The following RNF24 variants were observed in gnomAD, a reference collection of about 807,000 sequenced individuals.
The protein encoded by RNF24 is ring finger protein 24.
RNF24 carries 14 observed loss-of-function variants against 20.0 expected under a neutral mutation model. The ratio of observed to expected loss-of-function variants is 0.70; its 90% CI spans 0.46 to 1.10. The LOEUF (loss-of-function observed/expected upper bound fraction) is 1.10. Ranked by LOEUF, RNF24 falls within the 50% of genes least tolerant of loss-of-function variation. The pLI, the probability that RNF24 is intolerant of heterozygous loss-of-function variation, is 0.00. For synonymous variants in RNF24, 45 were observed against 61.1 expected, an observed-to-expected ratio of 0.74 and a Z score of 1.23; for missense variants, 124 against 177.6, an observed-to-expected ratio of 0.70 and a Z score of 1.71.
At chr20:3,944,940 C>T (rs1233444179) in intron 4 of RNF24, among the ~76,000 whole-genome samples, 1 of 152,136 alleles carries the variant, frequency 6.6e-6, no homozygotes, top group Non-Finnish European at 1.5e-5. Context: ...CAAGCAGCAT[C>T]CCTACTGCTA....
chr20:3,948,321 C>T, intron 2 of RNF24, 42 bp from the exon 3 acceptor site: 1 of 1,362,248 alleles, frequency 7.3e-7, no homozygotes, highest in Non-Finnish European at 1.0e-6. Context: ...AGATTTCCAA[C>T]ATAGTAACTT....
intron 1 of RNF24, among the ~76,000 whole-genome samples, chr20:3,987,078 C>T (rs543070848): frequency 6.6e-6 from 1 of 152,118 alleles, no homozygotes; most frequent in Non-Finnish European, 1.5e-5. Flanking sequence ...CAGCCCTATA[C>T]TTTTACAAAG....
intron 2 of RNF24, among the ~76,000 whole-genome samples, chr20:3,950,516 C>G (rs1174037593): frequency 6.6e-6 from 1 of 152,218 alleles, no homozygotes; most frequent in Non-Finnish European, 1.5e-5. Flanking sequence ...CATTTGAACT[C>G]TTCTAGCCTT....
At chr20:3,967,249 A>G (rs980960949) in intron 1 of RNF24, among the ~76,000 whole-genome samples, 4 of 152,250 alleles carry the variant, frequency 2.6e-5, no homozygotes, top group African/African-American at 9.6e-5. Flanking sequence ...TCTTACAAAT[A>G]TAAGTTATTT....
At chr20:3,979,939 C>A (rs1215780147) in intron 1 of RNF24, among the ~76,000 whole-genome samples, 1 of 151,754 alleles carries the variant, frequency 6.6e-6, no homozygotes, top group Non-Finnish European at 1.5e-5. Context: ...AGAAAAAGAA[C>A]AAATCAAACA....
intron 1 of RNF24, among the ~76,000 whole-genome samples, chr20:3,972,179 T>C (rs1978405259): frequency 6.6e-6 from 1 of 152,010 alleles, no homozygotes; most frequent in Admixed American, 6.6e-5. Context: ...AAAGGAGATA[T>C]AAAGAAATCT....
intron 2 of RNF24, among the ~76,000 whole-genome samples, chr20:3,960,859 T>C (rs530798236): frequency 6.6e-6 from 1 of 152,096 alleles, no homozygotes; most frequent in Non-Finnish European, 1.5e-5. Flanking sequence ...TGTGGCACAA[T>C]CTTGGCTCAA....
intron 1 of RNF24, among the ~76,000 whole-genome samples, chr20:3,980,974 G>A (rs572051181): frequency 1.3e-5 from 2 of 151,580 alleles, no homozygotes; most frequent in African/African-American, 2.4e-5. Context: ...TGTTGGGGGG[G>A]GCAGGGGGAG....
intron 2 of RNF24, among the ~76,000 whole-genome samples, chr20:3,948,603 C>G (rs7269922): frequency 0.032 from 4,826 of 151,868 alleles, 258 homozygotes; most frequent in African/African-American, 0.11. Context: ...GTATAAAAAC[C>G]TTAAGTATAC....
intron 1 of RNF24, among the ~76,000 whole-genome samples, chr20:3,966,049 G>A (rs865775862): frequency 3.4e-5 from 5 of 146,476 alleles, no homozygotes; most frequent in African/African-American, 1.3e-4. Flanking sequence ...CAGGGGAATC[G>A]CTCAAACCAG....
chr20:3,934,035 C>T lies in RNF24; in HGVS notation c.*28G>A, dbSNP rs1399715268. ...TCCTGGCTCCACACAGACGTCGTGT[C>T]CAGCAACAGTCTGATCCTTGCGGTA... On this transcript the variant is annotated 3_prime_UTR_variant, in exon 6 of 6. Transcript: ENST00000358395. This position sits in a 1 kb window ranked among gnomAD's most constrained non-coding sequence, Gnocchi z 4.0. 1 of 1,429,130 alleles carries T rather than the reference C, an allele frequency of 7.0e-7. No individual in the cohort carries two copies. The allele number at this position is 1,429,130 out of a possible 1,614,324, so 88.5% of individuals were successfully genotyped here.
At chr20:3,993,164 C>A (rs1418082240) in intron 1 of RNF24, among the ~76,000 whole-genome samples, 1 of 152,104 alleles carries the variant, frequency 6.6e-6, no homozygotes. Flanking sequence ...ATTATTTAAT[C>A]CTTATAATCA....
In RNF24 at chr20:3,961,722, A is replaced by AT. The variant is rs556852158; in HGVS notation, c.143+2152dup. 4.7e-3 allele frequency among the ~76,000 whole-genome samples: 714 copies of AT among 151,800 alleles called. 1 individual carries two copies. Among genetic ancestry groups the AT allele is most frequent in the Non-Finnish European group, 7.1e-3 (485 of 67,920 alleles). ...TTTTTACATTTTGTTATATTTTTAT[A>AT]TTTTTTGCCTCTTTAAAAAATAATT... On this transcript the variant is annotated intron_variant, in intron 2 of 5. Transcript: ENST00000358395.
At chr20:3,958,294 C>T (rs1482873896) in intron 2 of RNF24, among the ~76,000 whole-genome samples, 3 of 152,168 alleles carry the variant, frequency 2.0e-5, no homozygotes, top group African/African-American at 7.2e-5. Context: ...TATGCATACA[C>T]ATACCAAAAT....
At chr20:3,989,587 A>G (rs988578595) in intron 1 of RNF24, among the ~76,000 whole-genome samples, 7 of 152,208 alleles carry the variant, frequency 4.6e-5, no homozygotes, top group Non-Finnish European at 7.3e-5. Context: ...TTGTTTACCA[A>G]ATATTTTCAG....
intron 1 of RNF24, among the ~76,000 whole-genome samples, chr20:3,973,500 C>CAAA (rs56824542): frequency 1.6e-4 from 16 of 101,102 alleles, no homozygotes; most frequent in East Asian, 3.3e-4. Context: ...GGAAGAATGA[C>CAAA]AAAAAAAAAA....
At chr20:3,972,811 G>A (rs1282992023) in intron 1 of RNF24, among the ~76,000 whole-genome samples, 2 of 152,118 alleles carry the variant, frequency 1.3e-5, no homozygotes, top group Non-Finnish European at 2.9e-5. Context: ...GCTAAGGCAC[G>A]AGGATCGCTT....
At chr20:3,971,396 A>G (rs1038191146) in intron 1 of RNF24, among the ~76,000 whole-genome samples, 1 of 152,208 alleles carries the variant, frequency 6.6e-6, no homozygotes, top group Non-Finnish European at 1.5e-5. Flanking sequence ...ACAGAAGGGA[A>G]ATGATAAGAA....
At chr20:3,991,018 C>CT (rs756405408) in intron 1 of RNF24, among the ~76,000 whole-genome samples, 23 of 151,996 alleles carry the variant, frequency 1.5e-4, no homozygotes, top group Non-Finnish European at 2.6e-4. Flanking sequence ...GAGAAGCTAG[C>CT]TTTGTATTTG....
Sources: allele counts gnomAD v4.1 joint callset (sites outside exome capture counted in the v4.1 genomes callset), GRCh38; gene constraint gnomAD v4.1.1; non-coding constraint Gnocchi (gnomAD v3.1); transcripts MANE v1.5; gene names NCBI Gene and HGNC (gene_info 2026-07-23, HGNC 2026-07-21).